The following DNMBP variants were observed in gnomAD, a reference collection of about 807,000 sequenced individuals.
DNMBP encodes the protein dynamin-binding protein.
A neutral mutation model predicts 150.0 loss-of-function variants in DNMBP; 87 were observed. The ratio of observed to expected loss-of-function variants is 0.58; its 90% CI spans 0.49 to 0.69. The LOEUF is 0.69. DNMBP is among the 30% of genes least tolerant of loss of function. The pLI, the probability that DNMBP is intolerant of heterozygous loss-of-function variation, is 0.00. For missense variants in DNMBP, 1,774 were observed against 1,949.0 expected (o/e 0.91, Z 1.69); for synonymous variants, 711 against 750.4 (o/e 0.95, Z 0.86).
chr10:99,884,903 C>CA (rs969113850), intron 14 of DNMBP, among the ~76,000 whole-genome samples: 87 of 151,830 alleles, frequency 5.7e-4, no homozygotes, highest in Admixed American at 1.6e-3. Flanking sequence ...GGCTCTGTCT[C>CA]AAAAAATCAT....
At chr10:100,001,473 G>C (rs893584556) in intron 1 of DNMBP, among the ~76,000 whole-genome samples, 10 of 142,948 alleles carry the variant, frequency 7.0e-5, no homozygotes, top group African/African-American at 2.6e-4. Flanking sequence ...GTGCAGTGGT[G>C]CAAGCACAAC....
intron 1 of DNMBP, among the ~76,000 whole-genome samples, chr10:99,975,489 C>T (rs187920672): frequency 6.6e-6 from 1 of 152,014 alleles, no homozygotes; most frequent in African/African-American, 2.4e-5. Flanking sequence ...CAAACATTAC[C>T]TATTTAATTT....
intron 1 of DNMBP, among the ~76,000 whole-genome samples, chr10:100,002,786 G>A (rs916668048): frequency 6.6e-6 from 1 of 151,986 alleles, no homozygotes; most frequent in Non-Finnish European, 1.5e-5. Context: ...TTTCCTCAAG[G>A]ACAGATCCTG....
intron 12 of DNMBP, 89 bp downstream of exon 12, chr10:99,888,736 G>T: frequency 6.7e-7 from 1 of 1,495,286 alleles, no homozygotes; most frequent in South Asian, 1.2e-5. Context: ...GGTGCCCAGG[G>T]CCTGTGTCCG....
At chr10:99,944,420 A>G (rs2040335600) in intron 4 of DNMBP, among the ~76,000 whole-genome samples, 1 of 152,166 alleles carries the variant, frequency 6.6e-6, no homozygotes, top group Non-Finnish European at 1.5e-5. Flanking sequence ...AGCTTCTAAA[A>G]ATAATATGTA....
intron 2 of DNMBP, among the ~76,000 whole-genome samples, chr10:99,971,336 T>TTTC (rs1220870727): frequency 6.7e-6 from 1 of 150,160 alleles, no homozygotes; most frequent in African/African-American, 2.5e-5. Flanking sequence ...CCTTTCTTTC[T>TTTC]TTTCTTTCTC....
intron 4 of DNMBP, among the ~76,000 whole-genome samples, chr10:99,947,607 G>A (rs1325731373): frequency 6.6e-6 from 1 of 152,048 alleles, no homozygotes; most frequent in Admixed American, 6.6e-5. Flanking sequence ...TTGAAAAACT[G>A]CCTATTAGGT....
At chr10:99,918,596 TCTCA>T (rs1305233176) in intron 4 of DNMBP, among the ~76,000 whole-genome samples, 3 of 82,948 alleles carry the variant, frequency 3.6e-5, no homozygotes, top group Admixed American at 2.5e-4. Context: ...TGAAAAGGAG[TCTCA>T]CTGTCGCCCA....
chr10:99,983,361 G>A (rs143385600), intron 1 of DNMBP, among the ~76,000 whole-genome samples: 61 of 152,184 alleles, frequency 4.0e-4, no homozygotes, highest in South Asian at 1.0e-3. Flanking sequence ...TTTTCCCTTC[G>A]CATGAAAGGA....
At chr10:99,938,613 C>A (rs375582223) in intron 4 of DNMBP, among the ~76,000 whole-genome samples, 9 of 152,124 alleles carry the variant, frequency 5.9e-5, no homozygotes, top group Admixed American at 5.2e-4. Flanking sequence ...AAGGGGGCTT[C>A]CCCCACCCTT....
chr10:99,930,972 C>A, intron 4 of DNMBP: 1 of 470,208 alleles, frequency 2.1e-6, no homozygotes, highest in Non-Finnish European at 3.7e-6. Flanking sequence ...GCTACTCTAT[C>A]TTTCTCCAGA....
In DNMBP at chr10:99,932,457, T is replaced by C. The variant is rs566128289; in HGVS notation, c.2260+22757A>G. On this transcript the variant is annotated intron_variant, in intron 4 of 16. Transcript: ENST00000324109. ...AAGCACATGTGTTGTAAATTTGTGA[T>C]GCCATGAATGTGAGCTCTCAGGAAA... Among the ~76,000 whole-genome samples the C allele has an allele frequency of 2.0e-5, 3 of 152,314 alleles. No homozygotes were observed. In the South Asian group the frequency reaches 6.2e-4, roughly 32 times the overall value.
chr10:99,948,493 A>C (rs1339515255), intron 4 of DNMBP, among the ~76,000 whole-genome samples: 4 of 152,152 alleles, frequency 2.6e-5, no homozygotes, highest in Non-Finnish European at 5.9e-5. Flanking sequence ...TCTTCACCTC[A>C]ACTCTTAAGA....
Position 99,886,377 on chromosome 10 carries a change from T to G in DNMBP, c.3541A>C (p.Asn1181His), listed in dbSNP as rs1191901800. 6.2e-7 allele frequency: 1 copy of G among 1,614,058 alleles called. No individual in the cohort carries two copies. The highest frequency in any genetic ancestry group is 1.1e-5 in the South Asian group (1 of 91,072). ...GCTTCAGCATAGCCGTGGACACAGT[T>G]GGTGAAGAGGCCCTGGGCGTACTGG... The part of the protein sequence containing the change: ...FHQYAQGLFT[N>H]CVHGYAEAHC... Residue 1181 changes from asparagine (N) to histidine (H), a missense_variant, in exon 13 of 17, where the codon AAC becomes CAC. Asn to His is a moderately conservative substitution (Grantham distance 68, BLOSUM62 1). Coordinates refer to ENST00000324109, the MANE Select transcript of DNMBP (RefSeq NM_015221.4).
At chr10:99,909,346 C>T (rs1008300936) in intron 4 of DNMBP, among the ~76,000 whole-genome samples, 200 bp from the exon 5 acceptor site, 4 of 152,194 alleles carry the variant, frequency 2.6e-5, no homozygotes, top group African/African-American at 9.7e-5. Flanking sequence ...AGAACTCCAA[C>T]CTGTGCAATA....
rs186044229 is a variant in DNMBP at position 99,979,109 on chromosome 10, C to G, written c.-10-6975G>C. On this transcript the variant is annotated intron_variant, in intron 1 of 16. Coordinates refer to ENST00000324109, the MANE Select transcript of DNMBP (RefSeq NM_015221.4). Reference sequence around the variant, plus strand: ...TACATTCAATGAATATTTATCAAGCCAAATGGCATCAACCAAAGCCCTATG... The same window carrying G: ...TACATTCAATGAATATTTATCAAGCGAAATGGCATCAACCAAAGCCCTATG... 2.0e-3 allele frequency among the ~76,000 whole-genome samples: 309 copies of G among 152,198 alleles called. 2 individuals are homozygous for G. The highest frequency in any genetic ancestry group is 3.1e-3 in the South Asian group (15 of 4,820).
chr10:99,880,464 A>G lies in DNMBP; in HGVS notation c.3998-103T>C. On this transcript the variant is annotated intron_variant, in intron 15 of 16. Coordinates refer to ENST00000324109, the MANE Select transcript of DNMBP (RefSeq NM_015221.4). ...AAACTGATCTAGGTTATTCATCTGT[A>G]AAATGAAGAGTAAAACAAAAACTCA... The G allele has an allele frequency of 3.6e-6, 5 of 1,391,718 alleles. No individual in the cohort carries two copies. The South Asian group carries it at 7.9e-5, about 22-fold the overall frequency. The allele number at this position is 1,391,718 out of a possible 1,614,324, so 86.2% of individuals were successfully genotyped here. A position where few individuals can be genotyped will look rare whatever the true frequency, so the allele number is the denominator to read the frequency against.
At chr10:99,913,159 C>T (rs1221537591) in intron 4 of DNMBP, among the ~76,000 whole-genome samples, 1 of 151,990 alleles carries the variant, frequency 6.6e-6, no homozygotes, top group Non-Finnish European at 1.5e-5. Flanking sequence ...GTATCCCGGA[C>T]AACAAAGCGG....
Position 99,899,816 on chromosome 10 carries a change from T to C in DNMBP, c.2702+103A>G, listed in dbSNP as rs893553274. 5 of 1,275,458 alleles carry C rather than the reference T, an allele frequency of 3.9e-6. No individual in the cohort carries two copies. In the East Asian group the frequency reaches 9.3e-5, roughly 24 times the overall value. The allele number at this position is 1,275,458 out of a possible 1,614,324, so 79.0% of individuals were successfully genotyped here. A position where few individuals can be genotyped will look rare whatever the true frequency, so the allele number is the denominator to read the frequency against. ...TTAAATGATATATATCATGGATATCTTATGTTTAAAATAAGATGTCATCAT... is the reference window on the plus strand; with the variant it reads ...TTAAATGATATATATCATGGATATCCTATGTTTAAAATAAGATGTCATCAT... On this transcript the variant is annotated intron_variant, in intron 7 of 16. Transcript: ENST00000324109.
Sources: allele counts gnomAD v4.1 joint callset (sites outside exome capture counted in the v4.1 genomes callset), GRCh38; gene constraint gnomAD v4.1.1; transcripts MANE v1.5; gene names NCBI Gene and HGNC (gene_info 2026-07-23, HGNC 2026-07-21).